MTCL3: variants seen among roughly 807,000 people sequenced by gnomAD.
MTCL3 encodes the protein MTCL family member 3, also known as microtubule cross-linking factor 3.
chr6:127,515,851 A>T, the MTCL3 span: 1 of 1,611,336 alleles, frequency 6.2e-7, no homozygotes, highest in Non-Finnish European at 8.5e-7. The surrounding 1 kb of genome is among the most constrained non-coding windows in gnomAD (Gnocchi z 4.3). Flanking sequence ...CTCAGACTGC[A>T]GACATCCTTC....
the MTCL3 span, among the ~76,000 whole-genome samples, chr6:127,480,921 A>G: frequency 6.6e-6 from 1 of 152,206 alleles, no homozygotes; most frequent in Admixed American, 6.5e-5. Context: ...CTCTGAAAAT[A>G]AATGTGTTGG....
At chr6:127,488,541 G>T in the MTCL3 span, among the ~76,000 whole-genome samples, 1 of 152,122 alleles carries the variant, frequency 6.6e-6, no homozygotes, top group Non-Finnish European at 1.5e-5. Flanking sequence ...AGCCACTGTA[G>T]CTTTATTTCT....
chr6:127,516,052 G>A, the MTCL3 span: 3 of 1,543,878 alleles, frequency 1.9e-6, no homozygotes, highest in Non-Finnish European at 2.6e-6. Context: ...CGGCGGCTGC[G>A]GAGCGCCCCC....
At chr6:127,492,301 C>G in the MTCL3 span, among the ~76,000 whole-genome samples, 1 of 115,794 alleles carries the variant, frequency 8.6e-6, no homozygotes, top group Non-Finnish European at 1.8e-5. Context: ...GACACATCTA[C>G]CAAACATTCT....
At chr6:127,509,739 AT>A in the MTCL3 span, among the ~76,000 whole-genome samples, 1 of 152,236 alleles carries the variant, frequency 6.6e-6, no homozygotes. Context: ...AATGAAGCAG[AT>A]GGTTAACTGA....
chr6:127,475,241 C>A, the MTCL3 span: 1 of 1,524,444 alleles, frequency 6.6e-7, no homozygotes. The surrounding 1 kb of genome is among the most constrained non-coding windows in gnomAD (Gnocchi z 7.3). Flanking sequence ...AGGGACGCGG[C>A]TCCACGGGCC....
chr6:127,496,074 C>CA, the MTCL3 span, among the ~76,000 whole-genome samples: 15 of 151,892 alleles, frequency 9.9e-5, no homozygotes, highest in Non-Finnish European at 2.2e-4. Flanking sequence ...TACTAAAATA[C>CA]AAAAAACTAG....
the MTCL3 span, among the ~76,000 whole-genome samples, chr6:127,489,360 C>T: frequency 1.3e-5 from 2 of 152,170 alleles, no homozygotes; most frequent in African/African-American, 2.4e-5. Flanking sequence ...ATTAATAACC[C>T]TACAATGGCC....
the MTCL3 span, chr6:127,515,978 C>A: frequency 1.8e-5 from 28 of 1,592,884 alleles, no homozygotes; most frequent in South Asian, 2.9e-4. The surrounding 1 kb of genome is among the most constrained non-coding windows in gnomAD (Gnocchi z 4.3). Context: ...GGGGAGGCCC[C>A]CTCCCCGCCG....
chr6:127,517,205 G>A, the MTCL3 span, among the ~76,000 whole-genome samples: 1 of 152,154 alleles, frequency 6.6e-6, no homozygotes, highest in South Asian at 2.1e-4. Flanking sequence ...ATGATGTAGG[G>A]TTCCTAGAGA....
At chr6:127,496,851 C>T in the MTCL3 span, among the ~76,000 whole-genome samples, 3 of 152,098 alleles carry the variant, frequency 2.0e-5, no homozygotes, top group African/African-American at 7.2e-5. Context: ...GAATGAACTA[C>T]GGATACATGG....
At chr6:127,518,698 A>G in the MTCL3 span, 1 of 152,184 alleles carries the variant, frequency 6.6e-6, no homozygotes, top group Non-Finnish European at 1.5e-5. Flanking sequence ...GTTCAACTTC[A>G]TATTATTGTA....
At chr6:127,490,976 C>T in the MTCL3 span, among the ~76,000 whole-genome samples, 2 of 152,152 alleles carry the variant, frequency 1.3e-5, no homozygotes, top group Non-Finnish European at 2.9e-5. Flanking sequence ...AATGTGGTGA[C>T]AATAGCAAGA....
the MTCL3 span, chr6:127,517,865 A>C: frequency 2.0e-5 from 3 of 152,356 alleles, no homozygotes; most frequent in East Asian, 5.8e-4. Context: ...TTCTGTCTAA[A>C]GCACTGAAAG....
At chr6:127,491,470 C>A in the MTCL3 span, among the ~76,000 whole-genome samples, 1 of 152,138 alleles carries the variant, frequency 6.6e-6, no homozygotes, top group Non-Finnish European at 1.5e-5. Flanking sequence ...GATGTTTTAG[C>A]AATAAAGTAT....
At chr6:127,476,701 A>C in the MTCL3 span, among the ~76,000 whole-genome samples, 35 of 152,374 alleles carry the variant, frequency 2.3e-4, no homozygotes, top group African/African-American at 8.4e-4. This position sits in a 1 kb window ranked among gnomAD's most constrained non-coding sequence, Gnocchi z 4.4. Context: ...ATATGAAAAG[A>C]GAATAACTGT....
chr6:127,516,184 T>A, the MTCL3 span: 11 of 1,433,486 alleles, frequency 7.7e-6, no homozygotes, highest in Non-Finnish European at 1.0e-5. Flanking sequence ...AGGCGGCTCC[T>A]CGGGCGGTCC....
chr6:127,499,460 A>C, the MTCL3 span, among the ~76,000 whole-genome samples: 1 of 152,214 alleles, frequency 6.6e-6, no homozygotes, highest in African/African-American at 2.4e-5. Context: ...TGAAAGGATG[A>C]GAAGATAGTA....
the MTCL3 span, among the ~76,000 whole-genome samples, chr6:127,502,495 G>A: frequency 6.6e-6 from 1 of 152,210 alleles, no homozygotes; most frequent in Admixed American, 6.5e-5. Context: ...GAGGCAATGG[G>A]TCAGATGGAA....
Sources: gnomAD v4.1 joint callset for allele counts (sites outside exome capture counted in the v4.1 genomes callset) on GRCh38, gnomAD v4.1.1 for gene constraint, Gnocchi (gnomAD v3.1) non-coding constraint, MANE v1.5 for transcripts, NCBI Gene and HGNC (gene_info 2026-07-23, HGNC 2026-07-21) for gene names.